The following BMP2K variants were observed in gnomAD, a reference collection of about 807,000 sequenced individuals.
BMP2K encodes the protein BMP-2-inducible protein kinase.
BMP2K carries 74 observed loss-of-function variants against 116.0 expected under a neutral mutation model. That is an observed-to-expected ratio of 0.64 (90% confidence interval 0.53 to 0.77). BMP2K has a LOEUF of 0.77. BMP2K is among the 30% of genes least tolerant of loss of function. BMP2K has a pLI of 0.00. For synonymous variants in BMP2K, 486 were observed against 502.5 expected (o/e 0.97, Z 0.44); for missense variants, 1,365 against 1,403.6 (o/e 0.97, Z 0.44).
In BMP2K at chr4:78,911,174, A is replaced by G; in HGVS notation, c.2627A>G (p.Asn876Ser). 1 of 1,613,852 alleles carries G rather than the reference A, an allele frequency of 6.2e-7. No homozygotes were observed. Among genetic ancestry groups the G allele is most frequent in the South Asian group, 1.1e-5 (1 of 91,054 alleles). ...GCTCAACAGCCCCAGCAAGAAAAGA[A>G]TGAAAAGAACCTCCCTCAACACAGG... ...VRAQQPQQEKNEKNLPQHRFP... is the reference protein window; with the variant it reads ...VRAQQPQQEKSEKNLPQHRFP... Residue 876 changes from asparagine (N) to serine (S), a missense_variant, in exon 16 of 16, where the codon AAT becomes AGT. Asn to Ser is a conservative substitution (Grantham distance 46). This residue lies in a region of BMP2K where 596 missense variants were observed against 623.2 expected (regional missense o/e 0.96). Transcript: ENST00000502613.
At chr4:78,848,202 T>C (rs1177752260) in intron 6 of BMP2K, among the ~76,000 whole-genome samples, 1 of 151,558 alleles carries the variant, frequency 6.6e-6, no homozygotes, top group Non-Finnish European at 1.5e-5. Context: ...ATAACATATA[T>C]ACATTCACCA....
intron 1 of BMP2K, among the ~76,000 whole-genome samples, chr4:78,779,656 A>G (rs1250348891): frequency 6.6e-6 from 1 of 152,222 alleles, no homozygotes; most frequent in African/African-American, 2.4e-5. Context: ...TAAATATAGT[A>G]TCCTCAACTA....
intron 1 of BMP2K, among the ~76,000 whole-genome samples, chr4:78,816,295 G>A (rs1729349368): frequency 6.6e-6 from 1 of 152,124 alleles, no homozygotes; most frequent in Non-Finnish European, 1.5e-5. Flanking sequence ...CAGTGATAGT[G>A]ACTACCAGAT....
intron 1 of BMP2K, among the ~76,000 whole-genome samples, chr4:78,806,925 T>A (rs1728850356): frequency 6.6e-6 from 1 of 151,856 alleles, no homozygotes; most frequent in South Asian, 2.1e-4. Flanking sequence ...CTCGGCTCAC[T>A]GCAACCTCCA....
chr4:78,879,709 AAAG>A (rs1216100830), intron 14 of BMP2K: 2 of 152,238 alleles, frequency 1.3e-5, no homozygotes, highest in Non-Finnish European at 2.9e-5. Flanking sequence ...TTGCATGTGA[AAAG>A]AAGGTCTTAA....
intron 3 of BMP2K, among the ~76,000 whole-genome samples, chr4:78,835,235 T>A (rs1351049003): frequency 1.3e-5 from 2 of 152,316 alleles, no homozygotes; most frequent in East Asian, 1.9e-4. Context: ...GTTTTAAAAA[T>A]TTTTTAGAAA....
Position 78,776,463 on chromosome 4 carries a change from C to T in BMP2K, c.-81C>T, listed in dbSNP as rs1364629547. 1.2e-5 allele frequency: 13 copies of T among 1,096,034 alleles called. No homozygotes were observed. Among genetic ancestry groups the T allele is most frequent in the Non-Finnish European group, 1.4e-5 (13 of 900,982 alleles). The allele number at this position is 1,096,034 out of a possible 1,614,324, so 67.9% of individuals were successfully genotyped here. On this transcript the variant is annotated 5_prime_UTR_variant, in exon 1 of 16. Coordinates refer to ENST00000502613, the MANE Select transcript of BMP2K (RefSeq NM_198892.2). Reference sequence around the variant, plus strand: ...CTCGGACGGGCCAGGGGCGGCGACCCCTCGCGGACGCCCGGCTGCGCGCCG... The same window carrying T: ...CTCGGACGGGCCAGGGGCGGCGACCTCTCGCGGACGCCCGGCTGCGCGCCG...
At chr4:78,907,359 A>G (rs764556552) in intron 15 of BMP2K, among the ~76,000 whole-genome samples, 2 of 152,242 alleles carry the variant, frequency 1.3e-5, no homozygotes, top group Non-Finnish European at 2.9e-5. Context: ...TAATGAAAAC[A>G]GTAAATTTTA....
intron 8 of BMP2K, 27 bp from the exon 9 acceptor site, chr4:78,861,362 G>A: frequency 1.3e-6 from 2 of 1,550,378 alleles, no homozygotes; most frequent in South Asian, 1.2e-5. Flanking sequence ...AAACTAAAAT[G>A]AGACGTTTTA....
rs181254783 is a variant in BMP2K at position 78,826,830 on chromosome 4, T to C, written c.297+675T>C. 7.6e-4 allele frequency among the ~76,000 whole-genome samples: 116 copies of C among 152,318 alleles called. 1 individual carries two copies. The highest frequency in any genetic ancestry group is 1.4e-3 in the Non-Finnish European group (98 of 68,026). On this transcript the variant is annotated intron_variant, in intron 2 of 15. Transcript: ENST00000502613. The stretch of plus-strand genomic sequence containing the variant: ...GGAGTATTTTCAGGATAGAAATATT[T>C]ACTGAGTTATATAGTAAACACCAAG...
At chr4:78,868,374 C>T (rs1432455401) in intron 10 of BMP2K, among the ~76,000 whole-genome samples, 1 of 152,146 alleles carries the variant, frequency 6.6e-6, no homozygotes, top group Non-Finnish European at 1.5e-5. Context: ...CCCCTGGGTC[C>T]GTCCTACAAC....
At chr4:78,818,554 C>G (rs1364078215) in intron 1 of BMP2K, among the ~76,000 whole-genome samples, 3 of 152,196 alleles carry the variant, frequency 2.0e-5, no homozygotes, top group Non-Finnish European at 2.9e-5. Context: ...TAACACCTCA[C>G]ATTTCCAGTT....
intron 1 of BMP2K, among the ~76,000 whole-genome samples, chr4:78,818,222 A>G (rs920561916): frequency 2.6e-5 from 4 of 152,142 alleles, no homozygotes; most frequent in African/African-American, 7.2e-5. Context: ...TGCTGCACCC[A>G]TCAACCCTTT....
intron 14 of BMP2K, among the ~76,000 whole-genome samples, chr4:78,886,576 T>C (rs1560546024): frequency 6.6e-6 from 1 of 152,316 alleles, no homozygotes; most frequent in East Asian, 1.9e-4. Context: ...ACATAGTAGA[T>C]ACTAAAATTT....
At chr4:78,836,715 CAT>C (rs1229286492) in intron 3 of BMP2K, among the ~76,000 whole-genome samples, 2 of 152,164 alleles carry the variant, frequency 1.3e-5, no homozygotes, top group African/African-American at 4.8e-5. Context: ...CATATATAAA[CAT>C]ATTTTTATTC....
chr4:78,890,431 T>A (rs1733372315), intron 15 of BMP2K, among the ~76,000 whole-genome samples: 1 of 149,840 alleles, frequency 6.7e-6, no homozygotes, highest in Admixed American at 6.6e-5. Flanking sequence ...CACACACGTG[T>A]CCTGTCCTTA....
At chr4:78,841,427 C>G (rs1372175272) in intron 3 of BMP2K, among the ~76,000 whole-genome samples, 1 of 152,090 alleles carries the variant, frequency 6.6e-6, no homozygotes, top group Non-Finnish European at 1.5e-5. Context: ...AATTTCTATA[C>G]TGTAATATAT....
At chr4:78,796,415 T>G (rs1300525472) in intron 1 of BMP2K, among the ~76,000 whole-genome samples, 3 of 147,984 alleles carry the variant, frequency 2.0e-5, no homozygotes, top group Non-Finnish European at 3.0e-5. Flanking sequence ...AGGGATAGCA[T>G]TGGGAGATAT....
At chr4:78,837,428 CAA>C (rs1279437763) in intron 3 of BMP2K, among the ~76,000 whole-genome samples, 1 of 152,146 alleles carries the variant, frequency 6.6e-6, no homozygotes, top group Non-Finnish European at 1.5e-5. Context: ...CTCCTGACTT[CAA>C]GTGATCCACC....
Sources: gnomAD v4.1 joint callset for allele counts (sites outside exome capture counted in the v4.1 genomes callset) on GRCh38, gnomAD v4.1.1 for gene constraint, gnomAD v4.1.1 regional missense constraint, MANE v1.5 for transcripts, NCBI Gene and HGNC (gene_info 2026-07-23, HGNC 2026-07-21) for gene names.